Variants in TMEM123 observed in about 807,000 individuals in gnomAD.
TMEM123 encodes the protein porimin.
In TMEM123, 16 loss-of-function variants were observed where a neutral mutation model predicts 19.7. The observed-to-expected ratio is 0.81, with a 90% CI of 0.55 to 1.23. TMEM123 has a LOEUF of 1.23. Ranked by LOEUF, TMEM123 falls within the 50% of genes most tolerant of loss-of-function variation. The pLI is 0.00. For missense variants in TMEM123, 313 were observed against 257.8 expected (o/e 1.21, Z -1.47); for synonymous variants, 118 against 99.4 (o/e 1.19, Z -1.12).
chr11:102,445,257 T>C (rs953741803), intron 2 of TMEM123, among the ~76,000 whole-genome samples: 1 of 152,240 alleles, frequency 6.6e-6, no homozygotes, highest in Non-Finnish European at 1.5e-5. Context: ...CAGTTAAGTG[T>C]ACTATGAATT....
chr11:102,445,770 A>G (rs1857878486), intron 2 of TMEM123, among the ~76,000 whole-genome samples: 1 of 152,212 alleles, frequency 6.6e-6, no homozygotes, highest in African/African-American at 2.4e-5. Flanking sequence ...ATAAAGAATA[A>G]AAGGAAAAGG....
intron 2 of TMEM123, among the ~76,000 whole-genome samples, chr11:102,418,774 C>T (rs1400584576): frequency 6.6e-6 from 1 of 152,144 alleles, no homozygotes; most frequent in Non-Finnish European, 1.5e-5. Flanking sequence ...CAGTGGCGGA[C>T]TGGATAAAGA....
At chr11:102,424,137 A>G (rs1287053644) in intron 2 of TMEM123, among the ~76,000 whole-genome samples, 1 of 152,178 alleles carries the variant, frequency 6.6e-6, no homozygotes, top group Non-Finnish European at 1.5e-5. Flanking sequence ...CAAAGACACA[A>G]CAGTTGAGTC....
At chr11:102,408,262 G>A (rs1289463866) in intron 2 of TMEM123, among the ~76,000 whole-genome samples, 1 of 152,200 alleles carries the variant, frequency 6.6e-6, no homozygotes, top group Non-Finnish European at 1.5e-5. Flanking sequence ...GAATGCACAC[G>A]TGGCTATGAG....
chr11:102,409,562 AG>A (rs1951985042), intron 2 of TMEM123, among the ~76,000 whole-genome samples: 1 of 151,902 alleles, frequency 6.6e-6, no homozygotes, highest in Non-Finnish European at 1.5e-5. Flanking sequence ...AAAAAAAAAA[AG>A]ATCTTTTAAA....
intron 2 of TMEM123, among the ~76,000 whole-genome samples, chr11:102,427,067 GTTT>G (rs1352477742): frequency 7.2e-6 from 1 of 138,730 alleles, no homozygotes; most frequent in African/African-American, 2.6e-5. Flanking sequence ...TGTTTTGCGG[GTTT>G]TTTTTTTTTT....
At chr11:102,422,310 C>T (rs543802224) in intron 2 of TMEM123, among the ~76,000 whole-genome samples, 17 of 152,164 alleles carry the variant, frequency 1.1e-4, no homozygotes, top group Non-Finnish European at 2.9e-5. Context: ...CTTGTCTCTA[C>T]TAAAGAATAC....
At chr11:102,413,603 C>T (rs1213444133) in intron 2 of TMEM123, among the ~76,000 whole-genome samples, 1 of 152,200 alleles carries the variant, frequency 6.6e-6, no homozygotes, top group African/African-American at 2.4e-5. Context: ...GGTTAGAGCA[C>T]ACAGCCCCGG....
intron 3 of TMEM123, 79 bp from the exon 4 acceptor site, chr11:102,401,771 C>A: frequency 6.7e-7 from 1 of 1,484,186 alleles, no homozygotes; most frequent in Non-Finnish European, 9.0e-7. Flanking sequence ...CTCTGATTTT[C>A]TGTGTTAAGA....
At chr11:102,448,736 C>G in intron 2 of TMEM123, 76 bp downstream of exon 2, 1 of 1,437,354 alleles carries the variant, frequency 7.0e-7, no homozygotes, top group Non-Finnish European at 9.7e-7. Flanking sequence ...CCAGCTTATG[C>G]CTACTTCCCT....
At chr11:102,416,585 A>G (rs983387503) in intron 2 of TMEM123, among the ~76,000 whole-genome samples, 7 of 152,030 alleles carry the variant, frequency 4.6e-5, no homozygotes, top group African/African-American at 1.4e-4. Flanking sequence ...TACCAGACAT[A>G]TATTAATAAA....
intron 2 of TMEM123, among the ~76,000 whole-genome samples, chr11:102,404,632 C>T (rs568500875): frequency 7.2e-5 from 11 of 152,276 alleles, no homozygotes; most frequent in African/African-American, 2.6e-4. Context: ...CAGTCTTGCT[C>T]TGTCCCCCAG....
intron 2 of TMEM123, among the ~76,000 whole-genome samples, chr11:102,406,708 A>G (rs1409478313): frequency 6.6e-6 from 1 of 151,950 alleles, no homozygotes; most frequent in Non-Finnish European, 1.5e-5. Flanking sequence ...CGTCTCTACC[A>G]AAAATATAAA....
intron 4 of TMEM123, among the ~76,000 whole-genome samples, chr11:102,399,986 C>A (rs920087155): frequency 1.3e-5 from 2 of 150,640 alleles, no homozygotes; most frequent in African/African-American, 4.9e-5. Context: ...AAAAAAAAAT[C>A]TGTTCTTAAA....
chr11:102,429,999 G>A (rs1857672554), intron 2 of TMEM123, among the ~76,000 whole-genome samples: 2 of 152,342 alleles, frequency 1.3e-5, no homozygotes, highest in South Asian at 4.1e-4. Flanking sequence ...CTTCGTAGGG[G>A]CAGAGGCCTC....
At chr11:102,408,430 G>C (rs1951974402) in intron 2 of TMEM123, among the ~76,000 whole-genome samples, 1 of 152,122 alleles carries the variant, frequency 6.6e-6, no homozygotes, top group Admixed American at 6.5e-5. Flanking sequence ...ATGTTACCTA[G>C]GCATGGTGAG....
At chr11:102,406,302 A>G (rs2135844430) in intron 2 of TMEM123, among the ~76,000 whole-genome samples, 1 of 152,236 alleles carries the variant, frequency 6.6e-6, no homozygotes, top group Middle Eastern at 3.4e-3. Context: ...AAAGAGGAGA[A>G]TGCCATCCTC....
chr11:102,444,786 T>C (rs1244704694), intron 2 of TMEM123, among the ~76,000 whole-genome samples: 1 of 151,762 alleles, frequency 6.6e-6, no homozygotes, highest in African/African-American at 2.4e-5. Context: ...CCATCAATGA[T>C]AGACTGGATT....
At chr11:102,407,492 C>T (rs990838094) in intron 2 of TMEM123, among the ~76,000 whole-genome samples, 6 of 152,272 alleles carry the variant, frequency 3.9e-5, no homozygotes, top group African/African-American at 9.6e-5. Flanking sequence ...CAAATTCATA[C>T]TTTGAAGTCC....
Sources: gnomAD v4.1 joint callset for allele counts (sites outside exome capture counted in the v4.1 genomes callset) on GRCh38, gnomAD v4.1.1 for gene constraint, MANE v1.5 for transcripts, NCBI Gene and HGNC (gene_info 2026-07-23, HGNC 2026-07-21) for gene names.